The following RRAGD variants were observed in gnomAD, a reference collection of about 807,000 sequenced individuals.
RRAGD encodes ras-related GTP-binding protein D.
RRAGD carries 12 observed loss-of-function variants against 35.5 expected under a neutral mutation model. The ratio of observed to expected loss-of-function variants is 0.34; its 90% CI spans 0.22 to 0.55. RRAGD has a LOEUF of 0.55. RRAGD is among the 20% of genes least tolerant of loss of function. The pLI is 0.91. For synonymous variants in RRAGD, 155 were observed against 178.9 expected, an observed-to-expected ratio of 0.87 and a Z score of 1.07; for missense variants, 324 against 490.1, an observed-to-expected ratio of 0.66 and a Z score of 3.20.
chr6:89,411,943 C>T lies in RRAGD; in HGVS notation c.51G>A (p.Glu17=), dbSNP rs1244903999. Residue 17 remains glutamate (E), a synonymous_variant, in exon 1 of 7, where the codon GAG becomes GAA. Coordinates refer to ENST00000369415, the MANE Select transcript of RRAGD (RefSeq NM_021244.5). The surrounding 1 kb of genome is among the most constrained non-coding windows in gnomAD (Gnocchi z 5.6). ...KPQPQDEDDA[E]EEEEEDELVG... ...CCAGCTCATCCTCCTCCTCCTCCTC[C>T]TCCGCGTCGTCCTCGTCCTGCGGCT... The T allele has an allele frequency of 1.3e-6, 2 of 1,540,418 alleles. No homozygotes were observed. The highest frequency in any genetic ancestry group is 1.4e-5 in the African/African-American group (1 of 72,910).
chr6:89,412,071 G>A lies in RRAGD; in HGVS notation c.-78C>T. On this transcript the variant is annotated 5_prime_UTR_variant, in exon 1 of 7. Coordinates refer to ENST00000369415, the MANE Select transcript of RRAGD (RefSeq NM_021244.5). The surrounding 1 kb of genome is among the most constrained non-coding windows in gnomAD (Gnocchi z 4.2). Reference sequence around the variant, plus strand: ...CAAGCCTCCTAGCCGGCCGCCCGCAGCCTATTTCTGAAGCGGAGGTTTGTC... The same window carrying A: ...CAAGCCTCCTAGCCGGCCGCCCGCAACCTATTTCTGAAGCGGAGGTTTGTC... The A allele has an allele frequency of 7.2e-7, 1 of 1,385,990 alleles. No homozygotes were observed. Among genetic ancestry groups the A allele is most frequent in the Non-Finnish European group, 9.5e-7 (1 of 1,052,652 alleles). The allele number at this position is 1,385,990 out of a possible 1,614,324, so 85.9% of individuals were successfully genotyped here.
chr6:89,389,053 T>C (rs1036423053), intron 1 of RRAGD, among the ~76,000 whole-genome samples: 1 of 152,176 alleles, frequency 6.6e-6, no homozygotes, highest in African/African-American at 2.4e-5. Context: ...GCTCCCCCAC[T>C]GCTCACCTTC....
At chr6:89,386,324 C>T (rs1769136926) in intron 2 of RRAGD, among the ~76,000 whole-genome samples, 1 of 152,168 alleles carries the variant, frequency 6.6e-6, no homozygotes, top group Non-Finnish European at 1.5e-5. Context: ...CCTACTGTCT[C>T]CCTTTGCCTC....
intron 1 of RRAGD, among the ~76,000 whole-genome samples, chr6:89,390,486 G>T (rs1769213298): frequency 6.6e-6 from 1 of 152,216 alleles, no homozygotes; most frequent in Non-Finnish European, 1.5e-5. Context: ...CTACTAGGAT[G>T]GCTATAATCA....
At position 89,411,612 on chromosome 6, in the gene RRAGD, C is replaced by G. The variant is rs1306816627; in HGVS notation, c.148+234G>C. 1.8e-6 allele frequency: 1 copy of G among 560,202 alleles called. No individual in the cohort carries two copies. The highest frequency in any genetic ancestry group is 3.2e-6 in the Non-Finnish European group (1 of 317,216). The allele number at this position is 560,202 out of a possible 1,614,324, so 34.7% of individuals were successfully genotyped here. ...CTCCTCCAGCCCAGACGCTTACTCCCTCCTTCCCCTTTTCCACCGATCCTG... is the reference window on the plus strand; with the variant it reads ...CTCCTCCAGCCCAGACGCTTACTCCGTCCTTCCCCTTTTCCACCGATCCTG... On this transcript the variant is annotated intron_variant, in intron 1 of 6. Coordinates refer to ENST00000369415, the MANE Select transcript of RRAGD (RefSeq NM_021244.5). The surrounding 1 kb of genome is among the most constrained non-coding windows in gnomAD (Gnocchi z 5.6).
intron 1 of RRAGD, among the ~76,000 whole-genome samples, chr6:89,405,215 G>A (rs911991979): frequency 1.3e-5 from 2 of 151,946 alleles, no homozygotes; most frequent in African/African-American, 4.8e-5. Flanking sequence ...TCAGCCAGGT[G>A]TGGCAGCGTG....
Position 89,401,360 on chromosome 6 carries a change from C to T in RRAGD, c.148+10486G>A, listed in dbSNP as rs373740904. On this transcript the variant is annotated intron_variant, in intron 1 of 6. Coordinates refer to ENST00000369415, the MANE Select transcript of RRAGD (RefSeq NM_021244.5). ...GCAACCTCTTCCTCCCAGGTTCGAG[C>T]GATTCTCCTACCTCAGTCTCCTGAG... Among the ~76,000 whole-genome samples the T allele has an allele frequency of 9.2e-5, 14 of 151,976 alleles. No homozygotes were observed. In the South Asian group the frequency reaches 2.9e-3, roughly 32 times the overall value.
chr6:89,375,310 A>G (rs983892697), intron 5 of RRAGD, among the ~76,000 whole-genome samples: 1 of 152,252 alleles, frequency 6.6e-6, no homozygotes, highest in Non-Finnish European at 1.5e-5. Flanking sequence ...AACATTAAAC[A>G]AATTAGAAAA....
chr6:89,399,581 G>A (rs976170434), intron 1 of RRAGD, among the ~76,000 whole-genome samples: 5 of 152,078 alleles, frequency 3.3e-5, no homozygotes, highest in East Asian at 1.9e-4. Context: ...AGATCAGCCT[G>A]GGCAACATGG....
intron 2 of RRAGD, 60 bp from the exon 3 acceptor site, chr6:89,380,427 A>G: frequency 6.9e-7 from 1 of 1,446,842 alleles, no homozygotes; most frequent in South Asian, 1.2e-5. Context: ...CCTCCCACAC[A>G]CACTCTTCAC....
chr6:89,387,001 G>A (rs922805055), intron 2 of RRAGD, among the ~76,000 whole-genome samples: 1 of 152,194 alleles, frequency 6.6e-6, no homozygotes, highest in Non-Finnish European at 1.5e-5. Flanking sequence ...TTTTGTAGAT[G>A]TTGACTAGCG....
At chr6:89,394,474 C>A (rs958626380) in intron 1 of RRAGD, among the ~76,000 whole-genome samples, 1 of 152,118 alleles carries the variant, frequency 6.6e-6, no homozygotes, top group Non-Finnish European at 1.5e-5. Flanking sequence ...ATATACCAAT[C>A]ATATTATTTT....
chr6:89,368,881 T>A (rs1218576160), intron 6 of RRAGD, among the ~76,000 whole-genome samples: 1 of 152,214 alleles, frequency 6.6e-6, no homozygotes, highest in African/African-American at 2.4e-5. Flanking sequence ...TAATCCAAAG[T>A]CTTGATGAGT....
chr6:89,387,644 TAG>T (rs1769159039), intron 1 of RRAGD, 54 bp from the exon 2 acceptor site: 2 of 1,495,092 alleles, frequency 1.3e-6, no homozygotes, highest in Non-Finnish European at 1.8e-6. Context: ...AGAGGTTAAT[TAG>T]AGGAGTTTCA....
chr6:89,405,353 CAAAAA>C, intron 1 of RRAGD, among the ~76,000 whole-genome samples: 1 of 52,210 alleles, frequency 1.9e-5, no homozygotes, highest in South Asian at 8.6e-4. Context: ...GACTCCGTCT[CAAAAA>C]AAAAAAAAAA....
chr6:89,392,723 T>A (rs1320379116), intron 1 of RRAGD, among the ~76,000 whole-genome samples: 1 of 152,214 alleles, frequency 6.6e-6, no homozygotes, highest in Non-Finnish European at 1.5e-5. Flanking sequence ...TCATTTACTA[T>A]ATATAATACT....
intron 1 of RRAGD, among the ~76,000 whole-genome samples, chr6:89,397,784 A>T (rs1331636486): frequency 6.6e-6 from 1 of 152,186 alleles, no homozygotes; most frequent in Admixed American, 6.5e-5. Context: ...TTTTCATAAA[A>T]TTTTTTTAAA....
chr6:89,371,468 A>G (rs1768853901), intron 6 of RRAGD, among the ~76,000 whole-genome samples: 1 of 152,138 alleles, frequency 6.6e-6, no homozygotes, highest in African/African-American at 2.4e-5. Flanking sequence ...CAGCCTAAGT[A>G]ACAGAGCGAG....
rs1483391095 is a variant in RRAGD, at chr6:89,412,232, A to T, written c.-239T>A. ...GCCCGCCGGCGGAGGAGTCAGCCGGAGCGCGGCAGTTCCTCCCGGAGGAGG... is the reference window on the plus strand; with the variant it reads ...GCCCGCCGGCGGAGGAGTCAGCCGGTGCGCGGCAGTTCCTCCCGGAGGAGG... On this transcript the variant is annotated 5_prime_UTR_variant, in exon 1 of 7. Coordinates refer to ENST00000369415, the MANE Select transcript of RRAGD (RefSeq NM_021244.5). The surrounding 1 kb of genome is among the most constrained non-coding windows in gnomAD (Gnocchi z 4.2). The T allele has an allele frequency of 1.8e-5, 5 of 274,688 alleles. No homozygotes were observed. Among genetic ancestry groups the T allele is most frequent in the Non-Finnish European group, 3.3e-5 (5 of 150,786 alleles). The allele number at this position is 274,688 out of a possible 1,614,324, so 17.0% of individuals were successfully genotyped here. A position where few individuals can be genotyped will look rare whatever the true frequency, so the allele number is the denominator to read the frequency against.
Sources: gnomAD v4.1 joint callset for allele counts (sites outside exome capture counted in the v4.1 genomes callset) on GRCh38, gnomAD v4.1.1 for gene constraint, Gnocchi (gnomAD v3.1) non-coding constraint, MANE v1.5 for transcripts, NCBI Gene and HGNC (gene_info 2026-07-23, HGNC 2026-07-21) for gene names.